The following FA2H variants were observed in gnomAD, a reference collection of about 807,000 sequenced individuals.
FA2H encodes the protein fatty acid alpha-hydroxylase.
A neutral mutation model predicts 44.9 loss-of-function variants in FA2H; 22 were observed. The ratio of observed to expected loss-of-function variants is 0.49; its 90% CI spans 0.35 to 0.70. The LOEUF (loss-of-function observed/expected upper bound fraction) is 0.70. Among genes scored for constraint, FA2H ranks in the 30% least tolerant of loss-of-function variants. The pLI, the probability that FA2H is intolerant of heterozygous loss-of-function variation, is 0.01. For missense variants in FA2H, 501 were observed against 504.9 expected (o/e 0.99, Z 0.07); for synonymous variants, 243 against 213.2 (o/e 1.14, Z -1.22).
intron 1 of FA2H, among the ~76,000 whole-genome samples, chr16:74,750,767 G>GTGTGTGTGTGTGTA (rs1174353972): frequency 7.4e-5 from 11 of 149,250 alleles, no homozygotes; most frequent in Non-Finnish European, 1.3e-4. Context: ...TTCACTGTGT[G>GTGTGTGTGTGTGTA]TGTGTGTGTG....
chr16:74,715,273 T>A (rs1446077616), intron 6 of FA2H, among the ~76,000 whole-genome samples: 1 of 152,140 alleles, frequency 6.6e-6, no homozygotes. Flanking sequence ...AGACTTAGTA[T>A]AAGAGTTGCT....
chr16:74,720,121 T>A (rs1961799706), intron 4 of FA2H, among the ~76,000 whole-genome samples: 1 of 150,460 alleles, frequency 6.6e-6, no homozygotes, highest in African/African-American at 2.4e-5. Flanking sequence ...TCATTCATTC[T>A]TTGACCTCAT....
rs762343484 is a variant in FA2H, at chr16:74,740,100, C to T, written c.286G>A (p.Glu96Lys). Residue 96 changes from glutamate (E) to lysine (K), a missense_variant, in exon 2 of 7, where the codon GAG becomes AAG. Glu to Lys is a moderately conservative substitution (Grantham distance 56). Coordinates refer to ENST00000219368, the MANE Select transcript of FA2H (RefSeq NM_024306.5). ...RGEQQGSMEN[E>K]PVALEETQKT... Reference sequence around the variant, plus strand: ...TGAGTTTCCTCAAGGGCTACAGGCTCGTTCTCCATGGAGCCCTGGAAGGAG... The same window carrying T: ...TGAGTTTCCTCAAGGGCTACAGGCTTGTTCTCCATGGAGCCCTGGAAGGAG... 8.1e-6 allele frequency: 13 copies of T among 1,613,348 alleles called. No homozygotes were observed. Among genetic ancestry groups the T allele is most frequent in the South Asian group, 1.1e-5 (1 of 91,060 alleles).
intron 4 of FA2H, among the ~76,000 whole-genome samples, chr16:74,724,593 A>C (rs1167217345): frequency 6.6e-6 from 1 of 151,624 alleles, no homozygotes; most frequent in Admixed American, 6.6e-5. Flanking sequence ...GTGGGCTCTT[A>C]TTTTCTCTGC....
intron 1 of FA2H, among the ~76,000 whole-genome samples, chr16:74,747,390 A>G (rs1316246597): frequency 6.6e-6 from 1 of 152,160 alleles, no homozygotes; most frequent in Non-Finnish European, 1.5e-5. Flanking sequence ...AAGGAATCAC[A>G]GTAGAGTCTC....
intron 1 of FA2H, among the ~76,000 whole-genome samples, chr16:74,774,043 T>C (rs1962959506): frequency 6.6e-6 from 1 of 151,784 alleles, no homozygotes; most frequent in Admixed American, 6.6e-5. Context: ...TGAGGTGGGA[T>C]GGGGAGGTGG....
intron 2 of FA2H, 66 bp downstream of exon 2, chr16:74,739,957 A>G: frequency 1.6e-6 from 2 of 1,234,494 alleles, no homozygotes; most frequent in Admixed American, 1.7e-5. Context: ...GGCTCCACAC[A>G]CCCTCTTCCT....
At chr16:74,773,263 T>G (rs1962941526) in intron 1 of FA2H, among the ~76,000 whole-genome samples, 1 of 152,248 alleles carries the variant, frequency 6.6e-6, no homozygotes. Context: ...CAAATAGCTC[T>G]TATTACAGTA....
intron 1 of FA2H, among the ~76,000 whole-genome samples, chr16:74,755,529 A>C (rs1157806895): frequency 6.6e-6 from 1 of 152,222 alleles, no homozygotes; most frequent in Non-Finnish European, 1.5e-5. Context: ...CCTTTGCTGC[A>C]TATAACCATT....
At chr16:74,736,704 G>A (rs1397053254) in intron 2 of FA2H, among the ~76,000 whole-genome samples, 1 of 152,212 alleles carries the variant, frequency 6.6e-6, no homozygotes, top group East Asian at 1.9e-4. Context: ...GCCTGAGGAA[G>A]GATGGGGAAG....
chr16:74,718,226 G>T (rs1389343791), intron 5 of FA2H, among the ~76,000 whole-genome samples: 1 of 152,204 alleles, frequency 6.6e-6, no homozygotes, highest in East Asian at 1.9e-4. Flanking sequence ...CGACATCAGG[G>T]TCTAAACTGG....
chr16:74,765,883 G>A (rs1962800673), intron 1 of FA2H, among the ~76,000 whole-genome samples: 1 of 152,114 alleles, frequency 6.6e-6, no homozygotes, highest in African/African-American at 2.4e-5. Flanking sequence ...CTATTGGTAT[G>A]TACCAGTGGT....
At chr16:74,770,039 G>A (rs1962878824) in intron 1 of FA2H, among the ~76,000 whole-genome samples, 1 of 152,236 alleles carries the variant, frequency 6.6e-6, no homozygotes, top group African/African-American at 2.4e-5. Context: ...TTCTCCCTGG[G>A]GGAAGGGCCA....
rs748697810 is a variant in FA2H, at chr16:74,716,356, G to C, written c.1030C>G (p.Gln344Glu). 95 of 1,613,766 alleles carry C rather than the reference G, an allele frequency of 5.9e-5. No individual in the cohort carries two copies. The highest frequency in any genetic ancestry group is 7.8e-5 in the Non-Finnish European group (92 of 1,179,920). ...ACAGGCCCATCCTCACCTGACTTCTGATGTGCAAAGTGGTGCTTGACGTGG... is the reference window on the plus strand; with the variant it reads ...ACAGGCCCATCCTCACCTGACTTCTCATGTGCAAAGTGGTGCTTGACGTGG... ...AHHVKHHFAH[Q>E]KSGFGISTKL... Residue 344 changes from glutamine to glutamate, a missense_variant, in exon 6 of 7, where the codon CAG (glutamine) becomes GAG (glutamate). By Grantham distance (29) the Gln-to-Glu change is conservative. Coordinates refer to ENST00000219368, the MANE Select transcript of FA2H (RefSeq NM_024306.5).
intron 1 of FA2H, among the ~76,000 whole-genome samples, chr16:74,762,749 T>G (rs1264511136): frequency 6.6e-6 from 1 of 151,828 alleles, no homozygotes; most frequent in African/African-American, 2.4e-5. Context: ...AGGCTGGTCT[T>G]GAACTCCTGA....
chr16:74,743,943 G>C (rs1962364744), intron 1 of FA2H, among the ~76,000 whole-genome samples: 2 of 152,274 alleles, frequency 1.3e-5, no homozygotes, highest in East Asian at 3.9e-4. Context: ...GTCCTCCGGT[G>C]CATTGTTCAT....
At chr16:74,746,082 G>A (rs1204162970) in intron 1 of FA2H, among the ~76,000 whole-genome samples, 1 of 151,918 alleles carries the variant, frequency 6.6e-6, no homozygotes, top group Non-Finnish European at 1.5e-5. Flanking sequence ...TTACAGGCAT[G>A]AGCCACAGTG....
intron 1 of FA2H, among the ~76,000 whole-genome samples, chr16:74,764,342 G>A (rs1332758135): frequency 6.6e-6 from 1 of 152,136 alleles, no homozygotes; most frequent in Non-Finnish European, 1.5e-5. Flanking sequence ...TGGTAGACTG[G>A]ATAAAGAAAA....
chr16:74,735,394 CCT>C (rs1962160516), intron 2 of FA2H, among the ~76,000 whole-genome samples: 2 of 152,214 alleles, frequency 1.3e-5, no homozygotes, highest in Non-Finnish European at 2.9e-5. Context: ...GCCTCCTCCC[CCT>C]GAGCCCTATG....
Sources: gnomAD v4.1 joint callset for allele counts (sites outside exome capture counted in the v4.1 genomes callset) on GRCh38, gnomAD v4.1.1 for gene constraint, MANE v1.5 for transcripts, NCBI Gene and HGNC (gene_info 2026-07-23, HGNC 2026-07-21) for gene names.